Variants in RUVBL1 observed in about 807,000 individuals in gnomAD.
The protein encoded by RUVBL1 is ruvB-like 1.
A neutral mutation model predicts 52.4 loss-of-function variants in RUVBL1; 4 were observed. That is an observed-to-expected ratio of 0.08 (90% CI 0.04 to 0.17). RUVBL1 has a LOEUF of 0.17. RUVBL1 is among the 10% of genes least tolerant of loss of function. RUVBL1 has a pLI of 1.00. For synonymous variants in RUVBL1, 217 were observed against 214.4 expected (o/e 1.01, Z -0.10); for missense variants, 298 against 572.8 (o/e 0.52, Z 4.90).
chr3:128,078,339 T>C (rs1346428215), downstream of RUVBL1, among the ~76,000 whole-genome samples: 1 of 152,244 alleles, frequency 6.6e-6, no homozygotes, highest in East Asian at 1.9e-4. Flanking sequence ...CCCTAAGACA[T>C]GTGGCAGTAA....
intron 9 of RUVBL1, among the ~76,000 whole-genome samples, chr3:128,085,676 C>T (rs775322060): frequency 1.3e-5 from 2 of 152,228 alleles, no homozygotes; most frequent in African/African-American, 2.4e-5. Flanking sequence ...TGCATCCCCA[C>T]AGCACTCCTG....
chr3:128,066,974 A>G, intron 9 of RUVBL1: 1 of 1,614,198 alleles, frequency 6.2e-7, no homozygotes, highest in Non-Finnish European at 8.5e-7. Context: ...TGGACCTGCC[A>G]ATCAAGTCGG....
chr3:128,086,469 T>C (rs969831442), intron 9 of RUVBL1, among the ~76,000 whole-genome samples: 1 of 152,238 alleles, frequency 6.6e-6, no homozygotes, highest in East Asian at 1.9e-4. Flanking sequence ...GAGACGTCAC[T>C]GCAGCCCCAG....
In RUVBL1 at chr3:128,149,193, T is replaced by C. The variant is rs187016145; in HGVS notation, c.-40+4010A>G. Reference sequence around the variant, plus strand: ...TTCTTTCCTCTTTCTTTCTTTCTTTTTTTTTTTTTTTGACAGAGCAAGACT... The same window carrying C: ...TTCTTTCCTCTTTCTTTCTTTCTTTCTTTTTTTTTTTGACAGAGCAAGACT... On this transcript the variant is annotated intron_variant, in intron 1 of 9. Coordinates refer to the RUVBL1 transcript ENST00000464873. 9.7e-4 allele frequency among the ~76,000 whole-genome samples: 146 copies of C among 150,466 alleles called. 1 individual carries two copies. Among genetic ancestry groups the C allele is most frequent in the East Asian group, 7.7e-4 (4 of 5,168 alleles).
At chr3:128,101,477 G>A (rs570928795) in intron 5 of RUVBL1, 82 bp downstream of exon 5, 5 of 1,349,370 alleles carry the variant, frequency 3.7e-6, no homozygotes, top group East Asian at 4.6e-5. Flanking sequence ...CACACCCTCT[G>A]AAGAAAGCAA....
chr3:128,099,486 T>C (rs544115129), intron 6 of RUVBL1, among the ~76,000 whole-genome samples: 24 of 152,356 alleles, frequency 1.6e-4, no homozygotes, highest in African/African-American at 5.3e-4. Context: ...TATATTGCTG[T>C]GCCTCCTCTC....
chr3:128,092,720 G>C (rs1398269535), intron 8 of RUVBL1, among the ~76,000 whole-genome samples: 1 of 152,232 alleles, frequency 6.6e-6, no homozygotes, highest in Non-Finnish European at 1.5e-5. Context: ...AGAATGTGGA[G>C]AAATTGGGAC....
chr3:128,100,490 C>G (rs1347603558), intron 6 of RUVBL1, 105 bp downstream of exon 6: 3 of 1,359,330 alleles, frequency 2.2e-6, no homozygotes, highest in African/African-American at 2.9e-5. Flanking sequence ...AGAAAAGGAC[C>G]GTCTACCTCA....
intron 1 of RUVBL1, among the ~76,000 whole-genome samples, chr3:128,148,985 T>C (rs535634960): frequency 1.2e-4 from 19 of 152,218 alleles, no homozygotes; most frequent in South Asian, 8.3e-4. Flanking sequence ...GACAGAATAA[T>C]GAACCCCCAA....
At chr3:128,142,163 G>C (rs770840579) in intron 1 of RUVBL1, among the ~76,000 whole-genome samples, 13 of 152,182 alleles carry the variant, frequency 8.5e-5, no homozygotes, top group Non-Finnish European at 4.4e-5. Context: ...CAACGCAATG[G>C]GTAAACCTGG....
chr3:128,088,346 CTA>C (rs1942718585), intron 8 of RUVBL1, among the ~76,000 whole-genome samples: 1 of 149,044 alleles, frequency 6.7e-6, no homozygotes, highest in Non-Finnish European at 1.5e-5. Context: ...AAAAAAATAA[CTA>C]AAATCATACT....
chr3:128,091,403 C>A (rs899935885), intron 8 of RUVBL1, among the ~76,000 whole-genome samples: 1 of 152,194 alleles, frequency 6.6e-6, no homozygotes, highest in Admixed American at 6.5e-5. Flanking sequence ...GGTCAATCTG[C>A]AGATTTATTC....
downstream of RUVBL1, among the ~76,000 whole-genome samples, chr3:128,077,494 T>C (rs1034363856): frequency 3.3e-5 from 5 of 152,314 alleles, no homozygotes; most frequent in Non-Finnish European, 7.4e-5. Flanking sequence ...AGGGACCTCT[T>C]TCCCAGACAC....
chr3:128,115,312 G>A (rs1257935520), intron 2 of RUVBL1, among the ~76,000 whole-genome samples: 1 of 152,128 alleles, frequency 6.6e-6, no homozygotes, highest in Non-Finnish European at 1.5e-5. Flanking sequence ...ACAAAAAAGA[G>A]GTTGTTGCCA....
At chr3:128,068,445 A>G (rs1009493686) in intron 9 of RUVBL1, among the ~76,000 whole-genome samples, 3 of 152,204 alleles carry the variant, frequency 2.0e-5, no homozygotes, top group African/African-American at 7.2e-5. Context: ...CAGAGCAGGC[A>G]GGTCCTGGCA....
intron 2 of RUVBL1, among the ~76,000 whole-genome samples, chr3:128,114,380 G>A (rs891315319): frequency 6.6e-6 from 1 of 152,198 alleles, no homozygotes; most frequent in South Asian, 2.1e-4. Context: ...GAGAATCAGT[G>A]TATAGCACAG....
chr3:128,149,156 A>T (rs1944146761), intron 1 of RUVBL1, among the ~76,000 whole-genome samples: 1 of 143,172 alleles, frequency 7.0e-6, no homozygotes. Flanking sequence ...TTTGTATCTG[A>T]TATAATTTCT....
chr3:128,077,424 C>G (rs887625535), downstream of RUVBL1, among the ~76,000 whole-genome samples: 10 of 152,204 alleles, frequency 6.6e-5, no homozygotes, highest in African/African-American at 2.4e-4. Flanking sequence ...AGAGGAACTT[C>G]TGTGTGGAGA....
intron 2 of RUVBL1, among the ~76,000 whole-genome samples, chr3:128,117,042 A>G (rs1470829112): frequency 6.6e-6 from 1 of 152,204 alleles, no homozygotes; most frequent in Non-Finnish European, 1.5e-5. Flanking sequence ...ATGTCACAAA[A>G]TATTTATAAC....
Sources: gnomAD v4.1 joint callset for allele counts (sites outside exome capture counted in the v4.1 genomes callset) on GRCh38, gnomAD v4.1.1 for gene constraint, MANE v1.5 for transcripts, NCBI Gene and HGNC (gene_info 2026-07-23, HGNC 2026-07-21) for gene names.